SDK1: variants seen among roughly 807,000 people sequenced by gnomAD.
SDK1 encodes the protein protein sidekick-1.
SDK1 carries 157 observed loss-of-function variants against 245.5 expected under a neutral mutation model. The observed-to-expected ratio is 0.64, with a 90% CI of 0.56 to 0.73. The LOEUF is 0.73. SDK1 is among the 30% of genes least tolerant of loss of function. The pLI is 0.00. For missense variants in SDK1, 3,583 were observed against 3,002.3 expected, an observed-to-expected ratio of 1.19 and a Z score of -4.52; for synonymous variants, 1,647 against 1,278.5, an observed-to-expected ratio of 1.29 and a Z score of -6.15.
chr7:3,616,810 T>G (rs1378221157), intron 1 of SDK1, among the ~76,000 whole-genome samples: 1 of 152,234 alleles, frequency 6.6e-6, no homozygotes, highest in African/African-American at 2.4e-5. Flanking sequence ...TGTTAACATT[T>G]CTAATGTGCT....
At chr7:4,114,436 T>C (rs1783564467) in intron 25 of SDK1, among the ~76,000 whole-genome samples, 162 bp downstream of exon 25, 1 of 152,146 alleles carries the variant, frequency 6.6e-6, no homozygotes, top group Non-Finnish European at 1.5e-5. Context: ...TCGGCAGGAA[T>C]TTCTGTCTGA....
rs543536010 is a variant in SDK1 at position 3,566,180 on chromosome 7, C to G, written c.299-52900C>G. On this transcript the variant is annotated intron_variant, in intron 1 of 44. Transcript: ENST00000404826. Reference sequence around the variant, plus strand: ...TTCACAAAATATTTAAAATTAAACCCCAGCATTTTTATTGTATGTTTTTGG... The same window carrying G: ...TTCACAAAATATTTAAAATTAAACCGCAGCATTTTTATTGTATGTTTTTGG... 7.3e-5 allele frequency among the ~76,000 whole-genome samples: 11 copies of G among 151,644 alleles called. No individual in the cohort carries two copies. The East Asian group carries it at 1.9e-3, about 27-fold the overall frequency.
At chr7:3,856,501 A>AT (rs1780549091) in intron 5 of SDK1, among the ~76,000 whole-genome samples, 1 of 149,584 alleles carries the variant, frequency 6.7e-6, no homozygotes. Context: ...AAAAAAAAAA[A>AT]AGCAGCTGGC....
chr7:3,333,969 C>T (rs927304753), intron 1 of SDK1, among the ~76,000 whole-genome samples: 1 of 152,212 alleles, frequency 6.6e-6, no homozygotes, highest in Non-Finnish European at 1.5e-5. Flanking sequence ...CCCAGAACCA[C>T]ACCACCTTGG....
intron 1 of SDK1, among the ~76,000 whole-genome samples, chr7:3,398,915 A>C (rs1261613921): frequency 6.6e-6 from 1 of 151,862 alleles, no homozygotes. Flanking sequence ...CAGTGCAACT[A>C]TTTGCCCTGA....
intron 15 of SDK1, among the ~76,000 whole-genome samples, 163 bp downstream of exon 15, chr7:4,011,276 G>C (rs945433337): frequency 1.3e-5 from 2 of 152,270 alleles, no homozygotes; most frequent in Non-Finnish European, 1.5e-5. Context: ...AAGAGGGAAA[G>C]ACAGGCCCAC....
chr7:4,137,403 G>C (rs1345898824), intron 28 of SDK1, among the ~76,000 whole-genome samples: 1 of 152,186 alleles, frequency 6.6e-6, no homozygotes, highest in East Asian at 1.9e-4. Flanking sequence ...ATGCCTACAA[G>C]GCTTCCAGTA....
intron 44 of SDK1, among the ~76,000 whole-genome samples, chr7:4,248,938 T>G (rs957561436): frequency 3.4e-5 from 5 of 147,146 alleles, no homozygotes; most frequent in African/African-American, 1.1e-4. Flanking sequence ...TGTACATACA[T>G]GCACAACACA....
At chr7:3,372,177 T>A (rs753005708) in intron 1 of SDK1, among the ~76,000 whole-genome samples, 6 of 152,074 alleles carry the variant, frequency 3.9e-5, no homozygotes, top group Admixed American at 6.5e-5. Flanking sequence ...GTTATGTCTC[T>A]GACTTTGAAG....
intron 4 of SDK1, among the ~76,000 whole-genome samples, chr7:3,805,866 C>G (rs1379986856): frequency 5.3e-5 from 8 of 152,190 alleles, no homozygotes; most frequent in African/African-American, 1.9e-4. Context: ...CAAAACACTT[C>G]TCTTTAAACC....
chr7:3,831,558 A>G (rs1051984860), intron 5 of SDK1, among the ~76,000 whole-genome samples: 5 of 152,192 alleles, frequency 3.3e-5, no homozygotes, highest in Non-Finnish European at 7.3e-5. Context: ...CTAGAGTGGT[A>G]CCAACCTCTT....
intron 1 of SDK1, among the ~76,000 whole-genome samples, chr7:3,495,171 G>GATCATGCA (rs1178870172): frequency 1.3e-5 from 2 of 151,036 alleles, no homozygotes; most frequent in African/African-American, 4.9e-5. Flanking sequence ...ACATCCTCCT[G>GATCATGCA]ATCATGCATT....
intron 4 of SDK1, among the ~76,000 whole-genome samples, chr7:3,718,159 A>G (rs916891312): frequency 6.6e-6 from 1 of 152,134 alleles, no homozygotes; most frequent in African/African-American, 2.4e-5. Flanking sequence ...AGTCCAGAGA[A>G]GAAACTTTAT....
At chr7:3,325,753 T>C (rs1462517176) in intron 1 of SDK1, among the ~76,000 whole-genome samples, 1 of 152,168 alleles carries the variant, frequency 6.6e-6, no homozygotes, top group South Asian at 2.1e-4. Context: ...ACAAATTTTT[T>C]ACAAATTACA....
At chr7:3,766,552 G>C (rs576358034) in intron 4 of SDK1, among the ~76,000 whole-genome samples, 1 of 152,232 alleles carries the variant, frequency 6.6e-6, no homozygotes, top group Admixed American at 6.5e-5. Context: ...GTAGTTATTA[G>C]AGGGAATAAT....
chr7:3,525,680 T>C (rs773512576), intron 1 of SDK1, among the ~76,000 whole-genome samples: 2 of 152,174 alleles, frequency 1.3e-5, no homozygotes, highest in Non-Finnish European at 2.9e-5. Flanking sequence ...GCAGGTGATA[T>C]CAACTTGCAA....
chr7:3,491,374 C>T (rs1781858937), intron 1 of SDK1, among the ~76,000 whole-genome samples: 2 of 152,204 alleles, frequency 1.3e-5, no homozygotes, highest in South Asian at 4.1e-4. Flanking sequence ...CAGTATTTTG[C>T]AAAGTTCCCA....
At chr7:3,946,611 C>T (rs1178683602) in intron 5 of SDK1, among the ~76,000 whole-genome samples, 2 of 152,178 alleles carry the variant, frequency 1.3e-5, no homozygotes, top group African/African-American at 4.8e-5. Flanking sequence ...GCCACTAAGC[C>T]TGGCCAAAAA....
intron 5 of SDK1, among the ~76,000 whole-genome samples, chr7:3,932,523 C>G (rs1241779232): frequency 6.6e-6 from 1 of 152,176 alleles, no homozygotes; most frequent in Non-Finnish European, 1.5e-5. Flanking sequence ...GTGGGACTGA[C>G]TTTATTCATT....
Sources: gnomAD v4.1 joint callset for allele counts (sites outside exome capture counted in the v4.1 genomes callset) on GRCh38, gnomAD v4.1.1 for gene constraint, MANE v1.5 for transcripts, NCBI Gene and HGNC (gene_info 2026-07-23, HGNC 2026-07-21) for gene names.